The following CCT8 variants were observed in gnomAD, a reference collection of about 807,000 sequenced individuals.
The protein encoded by CCT8 is T-complex protein 1 subunit theta.
In CCT8, 10 loss-of-function variants were observed where a neutral mutation model predicts 65.7. The ratio of observed to expected loss-of-function variants is 0.15; its 90% CI spans 0.09 to 0.26. CCT8 has a LOEUF of 0.26. Among genes scored for constraint, CCT8 ranks in the 10% least tolerant of loss-of-function variants. The pLI is 1.00. For synonymous variants in CCT8, 199 were observed against 221.8 expected, an observed-to-expected ratio of 0.90 and a Z score of 0.92; for missense variants, 568 against 669.1, an observed-to-expected ratio of 0.85 and a Z score of 1.67.
chr21:29,066,220 C>T (rs904204980), intron 6 of CCT8, among the ~76,000 whole-genome samples: 5 of 152,048 alleles, frequency 3.3e-5, no homozygotes, highest in African/African-American at 9.7e-5. Flanking sequence ...ATTATTACAA[C>T]TTAGCAACAT....
chr21:29,066,639 T>A, intron 6 of CCT8, 77 bp downstream of exon 6: 1 of 886,936 alleles, frequency 1.1e-6, no homozygotes, highest in Non-Finnish European at 1.7e-6. Context: ...ACATTTTTTT[T>A]TTTTTGCACA....
intron 14 of CCT8, among the ~76,000 whole-genome samples, chr21:29,057,186 T>A (rs1357038216): frequency 6.6e-6 from 1 of 151,430 alleles, no homozygotes; most frequent in Non-Finnish European, 1.5e-5. Context: ...TTTTTTCTTT[T>A]TGAGACGGAG....
intron 1 of CCT8, chr21:29,072,001 T>C (rs2146445208): frequency 1.4e-6 from 1 of 693,562 alleles, no homozygotes; most frequent in East Asian, 2.7e-5. Context: ...GTTGTTGTTG[T>C]TGTTGTTTTA....
chr21:29,073,022 A>G (rs2085699890), intron 1 of CCT8, among the ~76,000 whole-genome samples: 1 of 152,214 alleles, frequency 6.6e-6, no homozygotes, highest in African/African-American at 2.4e-5. Flanking sequence ...CTGTCAACTA[A>G]GCTGAAAGCC....
chr21:29,070,355 C>A lies in CCT8; in HGVS notation c.61-18G>T. The A allele has an allele frequency of 1.3e-6, 2 of 1,505,474 alleles. No homozygotes were observed. Among genetic ancestry groups the A allele is most frequent in the East Asian group, 2.3e-5 (1 of 44,074 alleles). 93.3% of individuals were successfully genotyped at this position (1,505,474 alleles called of 1,614,324 possible). On this transcript the variant is annotated intron_variant, in intron 1 of 14. Coordinates refer to ENST00000286788, the MANE Select transcript of CCT8 (RefSeq NM_006585.4). ...GAAAAGTGCTGTTAAAAAAAACAAA[C>A]AAAAAACCCCGCTAATTAGACAGGA...
At chr21:29,069,600 T>C in intron 2 of CCT8, 98 bp from the exon 3 acceptor site, 1 of 659,684 alleles carries the variant, frequency 1.5e-6, no homozygotes, top group South Asian at 2.3e-5. Context: ...TATAAATTTG[T>C]ATATTAAAAA....
rs1366894983 is a variant in CCT8, at chr21:29,066,725, A to G, written c.615T>C (p.Cys205=). 1 of 1,602,014 alleles carries G rather than the reference A, an allele frequency of 6.2e-7. No homozygotes were observed. The highest frequency in any genetic ancestry group is 1.3e-5 in the African/African-American group (1 of 74,506). ...GHFNVDNIRV[C]KILGSGISSS... is the part of the protein sequence containing the mutation. ...TGCATTTTCTACTTACCAGAATTTT[A>G]CAAACTCTGATGTTATCAACATTGA... The change falls in exon 6 of 15, where the codon TGT becomes TGC. Residue 205 remains cysteine, a synonymous_variant. Coordinates refer to ENST00000286788, the MANE Select transcript of CCT8 (RefSeq NM_006585.4).
In CCT8 at chr21:29,057,458, C is replaced by T. The variant is rs557489982; in HGVS notation, c.1570-906G>A. 1.4e-4 allele frequency among the ~76,000 whole-genome samples: 22 copies of T among 151,852 alleles called. No homozygotes were observed. The South Asian group carries it at 4.6e-3, about 32-fold the overall frequency. On this transcript the variant is annotated intron_variant, in intron 14 of 14. Coordinates refer to ENST00000286788, the MANE Select transcript of CCT8 (RefSeq NM_006585.4). ...GGGATTATAGGTGTGAGCCACTGCGCTCGGCTGGAAAACATCTTAATTACC... is the reference window on the plus strand; with the variant it reads ...GGGATTATAGGTGTGAGCCACTGCGTTCGGCTGGAAAACATCTTAATTACC...
In CCT8 at chr21:29,061,376, A is replaced by G. The variant is rs767748492; in HGVS notation, c.1326T>C (p.Ala442=). 41 of 1,613,952 alleles carry G rather than the reference A, an allele frequency of 2.5e-5. 1 individual carries two copies. Among genetic ancestry groups the G allele is most frequent in the Middle Eastern group, 1.6e-4 (1 of 6,066 alleles). The change falls in exon 13 of 15, where the codon GCT becomes GCC. Residue 442 remains alanine (A), a synonymous_variant. Transcript: ENST00000286788. The part of the protein sequence containing the change: ...GLEQYAIKKF[A]EAFEAIPRAL... ...CGCGGGGAATAGCTTCAAATGCCTC[A>G]GCAAACTTCTTAATAGCATACTGTT...
intron 4 of CCT8, among the ~76,000 whole-genome samples, 194 bp downstream of exon 4, chr21:29,067,362 A>AT (rs1202320791): frequency 6.6e-6 from 1 of 152,234 alleles, no homozygotes; most frequent in Non-Finnish European, 1.5e-5. Context: ...ATGGGATTAT[A>AT]AGGCCTCACT....
In CCT8 at chr21:29,073,457, G is replaced by C. The variant is rs936853940; in HGVS notation, c.60+74C>G. 2.5e-6 allele frequency: 4 copies of C among 1,609,216 alleles called. No homozygotes were observed. In the African/African-American group the frequency reaches 5.3e-5, roughly 21 times the overall value. On this transcript the variant is annotated intron_variant, in intron 1 of 14. Transcript: ENST00000286788. ...GGCAGCACGCTCAGCCCGTTAGTAGGCCCTCCTACTTCGCCGCGGCCGCCG... is the reference window on the plus strand; with the variant it reads ...GGCAGCACGCTCAGCCCGTTAGTAGCCCCTCCTACTTCGCCGCGGCCGCCG...
At position 29,065,025 on chromosome 21, in the gene CCT8, T is replaced by G; in HGVS notation, c.705A>C (p.Lys235Asn). Reference sequence around the variant, plus strand: ...AAGAGTACACTGCTATTTTTGCATCTTTGACAGATGTTACATCACCTTCGG... The same window carrying G: ...AAGAGTACACTGCTATTTTTGCATCGTTGACAGATGTTACATCACCTTCGG... ...KETEGDVTSV[K>N]DAKIAVYSCP... The change falls in exon 7 of 15, where the codon AAA becomes AAC. Residue 235 changes from lysine (K) to asparagine (N), a missense_variant. Lys to Asn is a moderately conservative substitution (Grantham distance 94, BLOSUM62 0). Coordinates refer to ENST00000286788, the MANE Select transcript of CCT8 (RefSeq NM_006585.4). 3 of 1,613,888 alleles carry G rather than the reference T, an allele frequency of 1.9e-6. No homozygotes were observed. Among genetic ancestry groups the G allele is most frequent in the Non-Finnish European group, 2.5e-6 (3 of 1,179,828 alleles).
At chr21:29,057,333 G>A (rs759079819) in intron 14 of CCT8, among the ~76,000 whole-genome samples, 28 of 151,556 alleles carry the variant, frequency 1.8e-4, no homozygotes, top group Non-Finnish European at 3.8e-4. Flanking sequence ...CACCATGCCC[G>A]GCTAAGTTTT....
Position 29,063,415 on chromosome 21 carries a change from G to A in CCT8, c.878C>T (p.Thr293Ile). 1 of 1,613,922 alleles carries A rather than the reference G, an allele frequency of 6.2e-7. No homozygotes were observed. Among genetic ancestry groups the A allele is most frequent in the Non-Finnish European group, 8.5e-7 (1 of 1,179,940 alleles). The change falls in exon 8 of 15, where the codon ACA becomes ATA. Residue 293 changes from threonine (T) to isoleucine (I), a missense_variant. Coordinates refer to ENST00000286788, the MANE Select transcript of CCT8 (RefSeq NM_006585.4). Reference sequence around the variant, plus strand: ...AGCCATGTCTGCCACTTTGCCACCTGTTACTACGACATTTGCACCAGTATC... The same window carrying A: ...AGCCATGTCTGCCACTTTGCCACCTATTACTACGACATTTGCACCAGTATC... Reference protein sequence around the residue: ...IADTGANVVVTGGKVADMALH... With the variant: ...IADTGANVVVIGGKVADMALH...
intron 5 of CCT8, 35 bp from the exon 6 acceptor site, chr21:29,066,812 T>C (rs775548415): frequency 9.5e-6 from 15 of 1,584,308 alleles, no homozygotes; most frequent in Non-Finnish European, 1.3e-5. Flanking sequence ...AAAGATTATT[T>C]TGGGACAACA....
intron 14 of CCT8, 116 bp downstream of exon 14, chr21:29,060,425 G>A (rs1217741404): frequency 9.6e-7 from 1 of 1,038,604 alleles, no homozygotes; most frequent in African/African-American, 1.6e-5. Context: ...TCTCTAATAG[G>A]TGAGGACTAA....
At chr21:29,073,431 G>T in intron 1 of CCT8, 100 bp downstream of exon 1, 1 of 1,592,408 alleles carries the variant, frequency 6.3e-7, no homozygotes. Context: ...CGCTGAGCCA[G>T]GGCAGCACGC....
chr21:29,061,210 T>A, intron 13 of CCT8, 43 bp downstream of exon 13: 1 of 1,454,984 alleles, frequency 6.9e-7, no homozygotes, highest in East Asian at 2.3e-5. Flanking sequence ...AGGTTGTGCA[T>A]TCCCCAAATA....
Position 29,069,415 on chromosome 21 carries a change from C to CA in CCT8, c.231+7dup. On this transcript the variant is annotated splice_region_variant and intron_variant, in intron 3 of 14. Transcript: ENST00000286788. ...AATATTTCTTGACTTTTTAAAGAAACAACTTACTTCTAGTTCTCTTAAAAT... is the reference window on the plus strand; with the variant it reads ...AATATTTCTTGACTTTTTAAAGAAACAAACTTACTTCTAGTTCTCTTAAAAT... 2 of 1,518,130 alleles carry CA rather than the reference C, an allele frequency of 1.3e-6. No homozygotes were observed. The highest frequency in any genetic ancestry group is 1.8e-6 in the Non-Finnish European group (2 of 1,124,510). The allele number at this position is 1,518,130 out of a possible 1,614,324, so 94.0% of individuals were successfully genotyped here.
Sources: allele counts gnomAD v4.1 joint callset (sites outside exome capture counted in the v4.1 genomes callset), GRCh38; gene constraint gnomAD v4.1.1; transcripts MANE v1.5; gene names NCBI Gene and HGNC (gene_info 2026-07-23, HGNC 2026-07-21).